WDR25: variants seen among roughly 807,000 people sequenced by gnomAD.
WDR25 encodes WD repeat-containing protein 25.
Under a neutral mutation model 47.7 loss-of-function variants are expected in WDR25, and 35 were observed. The observed-to-expected ratio is 0.73, with a 90% CI of 0.56 to 0.97. The LOEUF (loss-of-function observed/expected upper bound fraction) is 0.97, where lower values mean the gene tolerates loss of function less well. Ranked by LOEUF, WDR25 falls within the 50% of genes least tolerant of loss-of-function variation. The pLI, the probability that WDR25 is intolerant of heterozygous loss-of-function variation, is 0.00. For synonymous variants in WDR25, 248 were observed against 278.9 expected (o/e 0.89, Z 1.10); for missense variants, 634 against 704.7 (o/e 0.90, Z 1.14).
intron 2 of WDR25, among the ~76,000 whole-genome samples, chr14:100,390,460 C>A (rs1348120073): frequency 6.7e-6 from 1 of 149,918 alleles, no homozygotes; most frequent in Non-Finnish European, 1.5e-5. Flanking sequence ...GGCAAAGGGA[C>A]TTTGTTTGCA....
intron 2 of WDR25, among the ~76,000 whole-genome samples, chr14:100,397,684 G>A (rs1157792351): frequency 6.6e-6 from 1 of 152,204 alleles, no homozygotes; most frequent in Non-Finnish European, 1.5e-5. Context: ...CCATTGCTCA[G>A]CAGCAAAGCG....
intron 3 of WDR25, chr14:100,481,171 T>TA: frequency 2.2e-6 from 1 of 459,164 alleles, no homozygotes; most frequent in East Asian, 6.6e-5. Context: ...CCAAAGTGGT[T>TA]AACCAAGAAA....
chr14:100,417,335 A>G (rs1017707439), intron 2 of WDR25, among the ~76,000 whole-genome samples: 3 of 152,238 alleles, frequency 2.0e-5, no homozygotes, highest in Non-Finnish European at 4.4e-5. Context: ...TGCTTTGCAG[A>G]CTTCTCAGTC....
intron 2 of WDR25, among the ~76,000 whole-genome samples, chr14:100,410,427 T>C (rs913983503): frequency 6.6e-6 from 1 of 152,116 alleles, no homozygotes; most frequent in Non-Finnish European, 1.5e-5. Flanking sequence ...CTAGGCACCA[T>C]GTGAGGGGCC....
chr14:100,413,664 C>T (rs567633442), intron 2 of WDR25, among the ~76,000 whole-genome samples: 87 of 152,228 alleles, frequency 5.7e-4, no homozygotes, highest in African/African-American at 2.1e-3. Flanking sequence ...CCACCCACCT[C>T]GGCCTCCCAA....
Position 100,384,584 on chromosome 14 carries a change from G to A in WDR25, c.822+2838G>A, listed in dbSNP as rs543905125. Among the ~76,000 whole-genome samples, 85 of 152,300 alleles carry A rather than the reference G, an allele frequency of 5.6e-4. 1 individual carries two copies. Among genetic ancestry groups the A allele is most frequent in the African/African-American group, 1.9e-3 (79 of 41,558 alleles). On this transcript the variant is annotated intron_variant, in intron 2 of 6. Coordinates refer to ENST00000402312, the MANE Select transcript of WDR25 (RefSeq NM_001161476.3). Reference sequence around the variant, plus strand: ...CAGCATGGCAGATCTTGGGGACCTGGTGATCTGGGGAAGGCAGTGTGTGGG... The same window carrying A: ...CAGCATGGCAGATCTTGGGGACCTGATGATCTGGGGAAGGCAGTGTGTGGG...
At chr14:100,465,558 A>G (rs1899601669) in intron 2 of WDR25, among the ~76,000 whole-genome samples, 1 of 152,252 alleles carries the variant, frequency 6.6e-6, no homozygotes, top group East Asian at 1.9e-4. Context: ...TCTAAGGCTG[A>G]ATACTATTCC....
intron 4 of WDR25, among the ~76,000 whole-genome samples, chr14:100,520,843 T>G (rs1356179411): frequency 2.0e-5 from 3 of 152,208 alleles, no homozygotes; most frequent in African/African-American, 7.2e-5. Context: ...ACCCCTACTT[T>G]ACAGGTATGG....
intron 4 of WDR25, among the ~76,000 whole-genome samples, chr14:100,507,110 T>G (rs767289508): frequency 1.3e-5 from 2 of 151,936 alleles, no homozygotes; most frequent in Non-Finnish European, 2.9e-5. Context: ...GCCAGTTTCA[T>G]TTTTTTGTAT....
At chr14:100,479,748 T>C (rs1422961174) in intron 3 of WDR25, among the ~76,000 whole-genome samples, 2 of 152,084 alleles carry the variant, frequency 1.3e-5, no homozygotes, top group Non-Finnish European at 2.9e-5. Flanking sequence ...TACCTGTCCA[T>C]AGCCTGTTAG....
intron 2 of WDR25, among the ~76,000 whole-genome samples, chr14:100,385,710 G>C (rs1897003455): frequency 6.6e-6 from 1 of 152,110 alleles, no homozygotes; most frequent in Non-Finnish European, 1.5e-5. Context: ...CCTTGTCTGT[G>C]AACGTGCTTG....
At position 100,498,960 on chromosome 14, in the gene WDR25, G is replaced by T. The variant is rs959135898; in HGVS notation, c.1101+14836G>T. Among the ~76,000 whole-genome samples the T allele has an allele frequency of 1.3e-5, 2 of 152,172 alleles. No individual in the cohort carries two copies. The highest frequency in any genetic ancestry group is 4.8e-5 in the African/African-American group (2 of 41,424). On this transcript the variant is annotated intron_variant, in intron 4 of 6. Coordinates refer to ENST00000402312, the MANE Select transcript of WDR25 (RefSeq NM_001161476.3). This position sits in a 1 kb window ranked among gnomAD's most constrained non-coding sequence, Gnocchi z 4.2. ...GTCGTGGGGTCCCCCTGTGACTTGG[G>T]TGCAAGCAGGGTGTAGGGGTAGAGG...
intron 2 of WDR25, among the ~76,000 whole-genome samples, chr14:100,395,145 C>T (rs1229339514): frequency 2.0e-5 from 3 of 152,162 alleles, no homozygotes; most frequent in Non-Finnish European, 2.9e-5. Flanking sequence ...GCTTCCTGTA[C>T]TTGTGCTGGG....
At chr14:100,416,309 C>T (rs1897867092) in intron 2 of WDR25, among the ~76,000 whole-genome samples, 1 of 152,170 alleles carries the variant, frequency 6.6e-6, no homozygotes, top group Admixed American at 6.5e-5. Flanking sequence ...GTGACTACTG[C>T]TGTTGTAATT....
At position 100,437,237 on chromosome 14, in the gene WDR25, C is replaced by G. The variant is rs148115843; in HGVS notation, c.823-30784C>G. ...GGTCTTGCTCCTGGAAGAGCACCTG[C>G]CTGTAGAAAGCAGGTCCCTTCTGCC... On this transcript the variant is annotated intron_variant, in intron 2 of 6. Transcript: ENST00000402312. Among the ~76,000 whole-genome samples the G allele has an allele frequency of 3.1e-3, 470 of 152,280 alleles. 3 individuals are homozygous for G. Among genetic ancestry groups the G allele is most frequent in the African/African-American group, 0.011 (440 of 41,536 alleles).
At chr14:100,527,362 G>A (rs1171314231) in intron 5 of WDR25, among the ~76,000 whole-genome samples, 6 of 152,146 alleles carry the variant, frequency 3.9e-5, no homozygotes, top group Admixed American at 2.6e-4. Flanking sequence ...CACTACCACC[G>A]CCATCATCAG....
At chr14:100,466,600 C>T (rs186922624) in intron 2 of WDR25, among the ~76,000 whole-genome samples, 201 of 152,308 alleles carry the variant, frequency 1.3e-3, no homozygotes, top group Non-Finnish European at 2.6e-3. Flanking sequence ...CTCGGGGTGG[C>T]GCTCTTCTTA....
intron 2 of WDR25, among the ~76,000 whole-genome samples, chr14:100,411,265 G>C (rs1897699765): frequency 6.6e-6 from 1 of 152,138 alleles, no homozygotes; most frequent in African/African-American, 2.4e-5. Flanking sequence ...ACCCCAAGGT[G>C]CCTCTGTTTC....
At position 100,523,435 on chromosome 14, in the gene WDR25, T is replaced by G. The variant is rs1472806834; in HGVS notation, c.1102-2435T>G. 6.6e-6 allele frequency among the ~76,000 whole-genome samples: 1 copy of G among 152,182 alleles called. No individual in the cohort carries two copies. Among genetic ancestry groups the G allele is most frequent in the Non-Finnish European group, 1.5e-5 (1 of 68,028 alleles). On this transcript the variant is annotated intron_variant, in intron 4 of 6. Transcript: ENST00000402312. The surrounding 1 kb of genome is among the most constrained non-coding windows in gnomAD (Gnocchi z 4.7). Reference sequence around the variant, plus strand: ...CAGCATGGGGTGAGGGATAGCTGGGTGCATCCGCCAGTCCTTCTTCTTTCT... The same window carrying G: ...CAGCATGGGGTGAGGGATAGCTGGGGGCATCCGCCAGTCCTTCTTCTTTCT...
Sources: gnomAD v4.1 joint callset for allele counts (sites outside exome capture counted in the v4.1 genomes callset) on GRCh38, gnomAD v4.1.1 for gene constraint, Gnocchi (gnomAD v3.1) non-coding constraint, MANE v1.5 for transcripts, NCBI Gene and HGNC (gene_info 2026-07-23, HGNC 2026-07-21) for gene names.